PPIC: variants seen among roughly 807,000 people sequenced by gnomAD.
The protein encoded by PPIC is peptidyl-prolyl cis-trans isomerase C.
Under a neutral mutation model 19.5 loss-of-function variants are expected in PPIC, and 19 were observed. The ratio of observed to expected loss-of-function variants is 0.98; its 90% confidence interval spans 0.68 to 1.43. The LOEUF is 1.43. PPIC is among the 40% of genes most tolerant of loss of function. The probability of loss-of-function intolerance (pLI) is 0.00; values close to 1 mark genes in which losing one functional copy is unlikely to be tolerated. For missense variants in PPIC, 268 were observed against 268.6 expected, an observed-to-expected ratio of 1.00 and a Z score of 0.02; for synonymous variants, 107 against 101.2, an observed-to-expected ratio of 1.06 and a Z score of -0.34.
chr5:123,030,919 TAAAG>T (rs1762931974), intron 1 of PPIC, among the ~76,000 whole-genome samples: 1 of 151,840 alleles, frequency 6.6e-6, no homozygotes, highest in Non-Finnish European at 1.5e-5. Context: ...ACTTTTAAAA[TAAAG>T]AAGAGAAAAC....
At chr5:123,024,821 T>G (rs1216390178) in intron 4 of PPIC, among the ~76,000 whole-genome samples, 1 of 151,990 alleles carries the variant, frequency 6.6e-6, no homozygotes. Flanking sequence ...AAATGAAACA[T>G]GGAAGAGGGA....
intron 4 of PPIC, 93 bp from the exon 5 acceptor site, chr5:123,024,096 G>A: frequency 6.8e-7 from 1 of 1,466,396 alleles, no homozygotes; most frequent in Non-Finnish European, 9.2e-7. Context: ...AAGCCCAAGT[G>A]GGAAGGAAAT....
rs1762813124 is a variant in PPIC, at chr5:123,024,023, C to T, written c.511-20G>A. On this transcript the variant is annotated intron_variant, in intron 4 of 4. Coordinates refer to ENST00000306442, the MANE Select transcript of PPIC (RefSeq NM_000943.5). The stretch of plus-strand genomic sequence containing the variant: ...CACTGTCTGGTGAGAGAAAAGTAGA[C>T]ACATGGTTTAATTCTGACCAGCAGC... 3.7e-6 allele frequency: 6 copies of T among 1,609,232 alleles called. 1 individual carries two copies. Among genetic ancestry groups the T allele is most frequent in the Middle Eastern group, 3.3e-4 (2 of 6,038 alleles).
intron 1 of PPIC, among the ~76,000 whole-genome samples, chr5:123,034,337 T>A (rs1228212851): frequency 1.3e-5 from 2 of 152,190 alleles, no homozygotes; most frequent in East Asian, 1.9e-4. Flanking sequence ...AAAAAAGACA[T>A]GTTAAGTAAC....
At chr5:123,034,491 T>G (rs772045218) in intron 1 of PPIC, among the ~76,000 whole-genome samples, 8 of 152,106 alleles carry the variant, frequency 5.3e-5, no homozygotes, top group Admixed American at 1.3e-4. Flanking sequence ...CCGCCCACAC[T>G]GCCTGCACAT....
chr5:123,036,561 AAC>A lies in PPIC; in HGVS notation c.63_64del (p.Ser23PhefsTer20), dbSNP rs1322919627. On this transcript the variant is annotated frameshift_variant, in exon 1 of 5. Transcript: ENST00000306442. LOFTEE classifies it high-confidence loss of function. This position sits in a 1 kb window ranked among gnomAD's most constrained non-coding sequence, Gnocchi z 4.5. ...GCGGAAGCCCTCGGCCCCCGAAGAA[AAC>A]ACAAGTGCGCCGAGCCCCACGCAAA... is the stretch of plus-strand genomic sequence containing the variant. The A allele has an allele frequency of 3.7e-6, 6 of 1,603,730 alleles. No homozygotes were observed. The Admixed American group carries it at 8.5e-5, about 23-fold the overall frequency.
rs41440746 is a variant in PPIC, at chr5:123,030,905, C to T, written c.118-1487G>A. 3.2e-3 allele frequency among the ~76,000 whole-genome samples: 487 copies of T among 152,212 alleles called. 10 individuals are homozygous for T. Among genetic ancestry groups the T allele is most frequent in the Admixed American group, 0.026 (404 of 15,286 alleles). On this transcript the variant is annotated intron_variant, in intron 1 of 4. Coordinates refer to ENST00000306442, the MANE Select transcript of PPIC (RefSeq NM_000943.5). ...TCATACGAGACACTAGAAGAGCCTT[C>T]CAGACTTTTAAAATAAAGAAGAGAA... is the stretch of plus-strand genomic sequence containing the variant.
At chr5:123,031,365 G>A (rs573133697) in intron 1 of PPIC, among the ~76,000 whole-genome samples, 1 of 152,200 alleles carries the variant, frequency 6.6e-6, no homozygotes, top group African/African-American at 2.4e-5. Context: ...GGAACGGTGA[G>A]GCTAAGGAGG....
At chr5:123,029,530 C>A in intron 1 of PPIC, 112 bp from the exon 2 acceptor site, 1 of 1,425,620 alleles carries the variant, frequency 7.0e-7, no homozygotes, top group Non-Finnish European at 9.2e-7. Flanking sequence ...CCCTGCCCAT[C>A]AGTATTTTGT....
Position 123,023,700 on chromosome 5 carries a change from C to G in PPIC, c.*175G>C. ...CCTAAGCAGGTGGTTTACTAAAGTT[C>G]AAGCAAACTAAAGGGTGACGGTTTG... is the stretch of plus-strand genomic sequence containing the variant. On this transcript the variant is annotated 3_prime_UTR_variant, in exon 5 of 5. Transcript: ENST00000306442. The G allele has an allele frequency of 9.7e-7, 1 of 1,031,214 alleles. No homozygotes were observed. The highest frequency in any genetic ancestry group is 1.3e-6 in the Non-Finnish European group (1 of 791,306). The allele number at this position is 1,031,214 out of a possible 1,614,324, so 63.9% of individuals were successfully genotyped here.
rs1334104409 is a variant in PPIC at position 123,025,837 on chromosome 5, G to T, written c.457C>A (p.Pro153Thr). The T allele has an allele frequency of 6.2e-7, 1 of 1,614,090 alleles. No individual in the cohort carries two copies. The highest frequency in any genetic ancestry group is 1.1e-5 in the South Asian group (1 of 91,038). The change falls in exon 4 of 5, where the codon CCC becomes ACC. Residue 153 changes from proline to threonine, a missense_variant. Coordinates refer to ENST00000306442, the MANE Select transcript of PPIC (RefSeq NM_000943.5). ...GSQFFITLTK[P>T]TWLDGKHVVF... ...ACATGTTTGCCGTCCAACCAGGTGGGCTTGGTCAAGGTGATAAAGAACTGA... is the reference window on the plus strand; with the variant it reads ...ACATGTTTGCCGTCCAACCAGGTGGTCTTGGTCAAGGTGATAAAGAACTGA...
chr5:123,023,805 A>AC lies in PPIC; in HGVS notation c.*69dup. The AC allele has an allele frequency of 3.2e-6, 4 of 1,236,706 alleles. No individual in the cohort carries two copies. The highest frequency in any genetic ancestry group is 3.2e-6 in the Non-Finnish European group (3 of 941,146). 76.6% of individuals were successfully genotyped at this position (1,236,706 alleles called of 1,614,324 possible). Reference sequence around the variant, plus strand: ...AAAAAGCAAATAATTGAAAGACAACACAACACACACACACACACACACACA... The same window carrying AC: ...AAAAAGCAAATAATTGAAAGACAACACCAACACACACACACACACACACACA... On this transcript the variant is annotated 3_prime_UTR_variant, in exon 5 of 5. Coordinates refer to ENST00000306442, the MANE Select transcript of PPIC (RefSeq NM_000943.5).
In PPIC at chr5:123,025,859, C is replaced by G; in HGVS notation, c.435G>C (p.Gln145His). Residue 145 changes from glutamine (Q) to histidine (H), a missense_variant, in exon 4 of 5, where the codon CAG (glutamine) becomes CAC (histidine). Coordinates refer to ENST00000306442, the MANE Select transcript of PPIC (RefSeq NM_000943.5). ...ANAGPDTNGS[Q>H]FFITLTKPTW... The stretch of plus-strand genomic sequence containing the variant: ...TGGGCTTGGTCAAGGTGATAAAGAA[C>G]TGAGAGCCATTGGTGTCAGGCCCAG... 1 of 1,614,150 alleles carries G rather than the reference C, an allele frequency of 6.2e-7. No individual in the cohort carries two copies. Among genetic ancestry groups the G allele is most frequent in the Non-Finnish European group, 8.5e-7 (1 of 1,180,038 alleles).
At chr5:123,034,363 G>T (rs531806571) in intron 1 of PPIC, among the ~76,000 whole-genome samples, 1 of 152,262 alleles carries the variant, frequency 6.6e-6, no homozygotes, top group Non-Finnish European at 1.5e-5. Context: ...TGAGAGTAGG[G>T]TGCATGCAAA....
At position 123,036,709 on chromosome 5, in the gene PPIC, C is replaced by T. The variant is rs1463808636; in HGVS notation, c.-84G>A. The T allele has an allele frequency of 2.6e-5, 30 of 1,170,952 alleles. No homozygotes were observed. The highest frequency in any genetic ancestry group is 3.6e-6 in the Non-Finnish European group (3 of 837,068). The allele number at this position is 1,170,952 out of a possible 1,614,324, so 72.5% of individuals were successfully genotyped here. A position where few individuals can be genotyped will look rare whatever the true frequency, so the allele number is the denominator to read the frequency against. On this transcript the variant is annotated 5_prime_UTR_variant, in exon 1 of 5. Coordinates refer to ENST00000306442, the MANE Select transcript of PPIC (RefSeq NM_000943.5). This position sits in a 1 kb window ranked among gnomAD's most constrained non-coding sequence, Gnocchi z 4.5. ...GCTCTGGGACAGCTGACGGGACTGC[C>T]GGCCGGCTGCGCCTGCGCGCTCCCG...
intron 3 of PPIC, among the ~76,000 whole-genome samples, chr5:123,028,108 C>T (rs940748828): frequency 5.3e-5 from 8 of 152,180 alleles, no homozygotes; most frequent in African/African-American, 1.4e-4. Flanking sequence ...TGGGTCCTGA[C>T]GAAACCACCA....
At chr5:123,028,664 T>G (rs1191230822) in intron 3 of PPIC, 111 bp downstream of exon 3, 1 of 807,766 alleles carries the variant, frequency 1.2e-6, no homozygotes, top group Non-Finnish European at 1.9e-6. Flanking sequence ...GGTACAGTCG[T>G]CTTTACAACT....
chr5:123,028,912 A>T (rs867794449), intron 2 of PPIC, 44 bp from the exon 3 acceptor site: 1 of 1,464,196 alleles, frequency 6.8e-7, no homozygotes, highest in Middle Eastern at 1.7e-4. Flanking sequence ...CAGAGGCCAT[A>T]CTGAAAGATA....
intron 1 of PPIC, among the ~76,000 whole-genome samples, chr5:123,035,578 G>T (rs181327714): frequency 3.3e-4 from 50 of 152,284 alleles, no homozygotes; most frequent in African/African-American, 1.0e-3. Flanking sequence ...TCGTTGATTA[G>T]TATCGTTTCC....
Sources: allele counts gnomAD v4.1 joint callset (sites outside exome capture counted in the v4.1 genomes callset), GRCh38; gene constraint gnomAD v4.1.1; non-coding constraint Gnocchi (gnomAD v3.1); transcripts MANE v1.5; gene names NCBI Gene and HGNC (gene_info 2026-07-23, HGNC 2026-07-21).